Variants in AP2A2 observed in about 807,000 individuals in gnomAD.
The protein encoded by AP2A2 is AP-2 complex subunit alpha-2.
AP2A2 carries 32 observed loss-of-function variants against 104.2 expected under a neutral mutation model. That is an observed-to-expected ratio of 0.31 (90% CI 0.23 to 0.41). The LOEUF is 0.41. AP2A2 is among the 10% of genes least tolerant of loss of function. The pLI is 1.00. For synonymous variants in AP2A2, 539 were observed against 533.3 expected, an observed-to-expected ratio of 1.01 and a Z score of -0.15; for missense variants, 912 against 1,261.0, an observed-to-expected ratio of 0.72 and a Z score of 4.19.
chr11:965,681 G>A (rs1191152420), intron 2 of AP2A2, among the ~76,000 whole-genome samples: 2 of 152,214 alleles, frequency 1.3e-5, no homozygotes, highest in East Asian at 1.9e-4. Context: ...CGGTGGCCCC[G>A]GCTGACCTGC....
chr11:968,146 AG>A lies in AP2A2; in HGVS notation c.137-2022del, dbSNP rs1854685470. Among the ~76,000 whole-genome samples, 1 of 151,906 alleles carries A rather than the reference AG, an allele frequency of 6.6e-6. No homozygotes were observed. The highest frequency in any genetic ancestry group is 1.5e-5 in the Non-Finnish European group (1 of 67,996). On this transcript the variant is annotated intron_variant, in intron 2 of 21. Transcript: ENST00000448903. The surrounding 1 kb of genome is among the most constrained non-coding windows in gnomAD (Gnocchi z 4.2). ...GGAATCCACGTGCTGCCACATGAGC[AG>A]CGGGCCGAGCACTGTGGCTTTCTCC...
intron 1 of AP2A2, among the ~76,000 whole-genome samples, chr11:935,603 G>GTTTTTTTTGTTTTTTTTTTTTT (rs1371841792): frequency 1.3e-5 from 1 of 77,988 alleles, no homozygotes; most frequent in African/African-American, 4.7e-5. Flanking sequence ...TGCCCGGCCA[G>GTTTTTTTTGTTTTTTTTTTTTT]TTTTTTTTTT....
At chr11:965,537 C>T (rs962976744) in intron 2 of AP2A2, among the ~76,000 whole-genome samples, 3 of 152,186 alleles carry the variant, frequency 2.0e-5, no homozygotes, top group Non-Finnish European at 4.4e-5. Flanking sequence ...TCATGTCAGT[C>T]CCAACTTTGG....
intron 1 of AP2A2, among the ~76,000 whole-genome samples, chr11:948,750 C>T (rs1288586757): frequency 2.0e-5 from 3 of 152,016 alleles, no homozygotes; most frequent in Admixed American, 6.6e-5. Context: ...ACTGGTAATC[C>T]CAGCTACTTG....
At chr11:999,835 G>A (rs1467953206) in intron 14 of AP2A2, among the ~76,000 whole-genome samples, 11 of 134,980 alleles carry the variant, frequency 8.1e-5, no homozygotes, top group Non-Finnish European at 1.5e-4. Context: ...ATGGAGTCTC[G>A]CTCTGTCGCC....
chr11:966,793 C>A (rs1403021042), intron 2 of AP2A2, among the ~76,000 whole-genome samples: 6 of 152,198 alleles, frequency 3.9e-5, no homozygotes, highest in Non-Finnish European at 7.3e-5. Flanking sequence ...CTTTTCCCAA[C>A]TTTCAGGTCA....
intron 1 of AP2A2, 126 bp downstream of exon 1, chr11:926,214 C>T (rs1239495851): frequency 3.9e-5 from 15 of 386,966 alleles, no homozygotes; most frequent in Admixed American, 1.1e-4. Flanking sequence ...GGCCCGGGGC[C>T]TGAGGGTGCG....
At chr11:991,297 G>A (rs1855647003) in intron 10 of AP2A2, among the ~76,000 whole-genome samples, 1 of 152,252 alleles carries the variant, frequency 6.6e-6, no homozygotes, top group African/African-American at 2.4e-5. Flanking sequence ...GGAGGGGGAC[G>A]GATTGAGAGC....
intron 6 of AP2A2, among the ~76,000 whole-genome samples, chr11:983,708 G>A (rs1855350818): frequency 6.6e-6 from 1 of 152,208 alleles, no homozygotes; most frequent in Admixed American, 6.5e-5. Flanking sequence ...CGCTTGAGAT[G>A]AATTTTTGTT....
chr11:965,451 G>C (rs892246555), intron 2 of AP2A2, among the ~76,000 whole-genome samples: 3 of 152,232 alleles, frequency 2.0e-5, no homozygotes, highest in Non-Finnish European at 4.4e-5. Flanking sequence ...TGGCTTCCCT[G>C]TGATCTTTAT....
chr11:1,009,287 C>T (rs754535367), intron 19 of AP2A2, 41 bp from the exon 20 acceptor site: 11 of 1,611,474 alleles, frequency 6.8e-6, no homozygotes, highest in Non-Finnish European at 9.3e-6. Context: ...GTTTTGGTCT[C>T]TGGCCTGGCT....
chr11:987,094 C>T lies in AP2A2; in HGVS notation c.1131+141C>T, dbSNP rs933832684. 5 of 1,061,626 alleles carry T rather than the reference C, an allele frequency of 4.7e-6. No individual in the cohort carries two copies. In the African/African-American group the frequency reaches 6.3e-5, roughly 13 times the overall value. The allele number at this position is 1,061,626 out of a possible 1,614,324, so 65.8% of individuals were successfully genotyped here. A position where few individuals can be genotyped will look rare whatever the true frequency, so the allele number is the denominator to read the frequency against. On this transcript the variant is annotated intron_variant, in intron 9 of 21. Coordinates refer to ENST00000448903, the MANE Select transcript of AP2A2 (RefSeq NM_012305.4). ...GGTGCTGCTGGCCTCCGCCTGTCAC[C>T]TACTCTTGGGAGGTCACACCACTGT...
intron 1 of AP2A2, among the ~76,000 whole-genome samples, chr11:931,170 T>A (rs1853280171): frequency 6.6e-6 from 1 of 152,174 alleles, no homozygotes; most frequent in African/African-American, 2.4e-5. Flanking sequence ...TACAGTCCCA[T>A]CGAGGTCCAT....
chr11:994,534 G>A (rs998558783), intron 14 of AP2A2, among the ~76,000 whole-genome samples: 10 of 141,698 alleles, frequency 7.1e-5, no homozygotes, highest in African/African-American at 2.7e-4. Context: ...TGTCCCTGCT[G>A]GACGCCCCCC....
Position 968,812 on chromosome 11 carries a change from G to A in AP2A2, c.137-1357G>A, listed in dbSNP as rs1347561329. Among the ~76,000 whole-genome samples the A allele has an allele frequency of 6.6e-6, 1 of 152,060 alleles. No individual in the cohort carries two copies. The highest frequency in any genetic ancestry group is 2.4e-5 in the African/African-American group (1 of 41,384). On this transcript the variant is annotated intron_variant, in intron 2 of 21. Transcript: ENST00000448903. The surrounding 1 kb of genome is among the most constrained non-coding windows in gnomAD (Gnocchi z 4.2). ...GCCGGGGGAGGGAGGAACCAGGTCG[G>A]GTCTGCTTTTATTTATATCATCTGG...
chr11:965,550 T>G (rs1160571319), intron 2 of AP2A2, among the ~76,000 whole-genome samples: 1 of 152,132 alleles, frequency 6.6e-6, no homozygotes, highest in African/African-American at 2.4e-5. Context: ...AACTTTGGCT[T>G]TAAGGGAGTC....
At chr11:984,082 A>G (rs567941982) in intron 6 of AP2A2, among the ~76,000 whole-genome samples, 8 of 152,358 alleles carry the variant, frequency 5.3e-5, no homozygotes, top group Admixed American at 5.2e-4. Context: ...AACAGGAGAC[A>G]TCGGGCTGTA....
At chr11:949,386 A>G (rs1037248569) in intron 1 of AP2A2, among the ~76,000 whole-genome samples, 4 of 152,238 alleles carry the variant, frequency 2.6e-5, no homozygotes, top group Non-Finnish European at 5.9e-5. Context: ...AGACAAAGAC[A>G]TGACAAGAAA....
At position 998,371 on chromosome 11, in the gene AP2A2, T is replaced by G. The variant is rs1301885864; in HGVS notation, c.1957-2061T>G. Reference sequence around the variant, plus strand: ...GCCCCCATTCTGACCTGCACCTTTTTTGCATAACACACTTTGTGATGCCTC... The same window carrying G: ...GCCCCCATTCTGACCTGCACCTTTTGTGCATAACACACTTTGTGATGCCTC... On this transcript the variant is annotated intron_variant, in intron 14 of 21. Transcript: ENST00000448903. Among the ~76,000 whole-genome samples, 6 of 111,204 alleles carry G rather than the reference T, an allele frequency of 5.4e-5. No individual in the cohort carries two copies. In the East Asian group the frequency reaches 2.3e-3, roughly 42 times the overall value. 73.0% of individuals were successfully genotyped at this position (111,204 alleles called of 152,430 possible).
Sources: allele counts gnomAD v4.1 joint callset (sites outside exome capture counted in the v4.1 genomes callset), GRCh38; gene constraint gnomAD v4.1.1; non-coding constraint Gnocchi (gnomAD v3.1); transcripts MANE v1.5; gene names NCBI Gene and HGNC (gene_info 2026-07-23, HGNC 2026-07-21).